Variants in PABPC1L observed in about 807,000 individuals in gnomAD.
PABPC1L encodes the protein poly(A) binding protein cytoplasmic 1 like, also known as polyadenylate-binding protein 1-like.
PABPC1L carries 31 observed loss-of-function variants against 66.6 expected under a neutral mutation model. That is an observed-to-expected ratio of 0.47 (90% confidence interval 0.35 to 0.63). The LOEUF is 0.63. Among genes scored for constraint, PABPC1L ranks in the 20% least tolerant of loss-of-function variants. The pLI is 0.00. For synonymous variants in PABPC1L, 348 were observed against 335.1 expected, an observed-to-expected ratio of 1.04 and a Z score of -0.42; for missense variants, 722 against 848.8, an observed-to-expected ratio of 0.85 and a Z score of 1.86.
chr20:44,933,138 A>G lies in PABPC1L; in HGVS notation c.1412A>G (p.Gln471Arg), dbSNP rs2066874871. 6.2e-7 allele frequency: 1 copy of G among 1,610,206 alleles called. No individual in the cohort carries two copies. Among genetic ancestry groups the G allele is most frequent in the Admixed American group, 1.7e-5 (1 of 59,326 alleles). Residue 471 changes from glutamine to arginine, a missense_variant, in exon 10 of 15, where the codon CAG becomes CGG. By Grantham distance (43) the Gln-to-Arg change is conservative. This residue lies in a region of PABPC1L where 301 missense variants were observed against 337.2 expected (regional missense o/e 0.89). Transcript: ENST00000217073. ...RPPAHISSVR[Q>R]ASTQVPRTVP... ...CCGGCCCACATCAGCAGTGTCAGGC[A>G]GGCCTCCACCCAGGTGCCACGCACG...
At chr20:44,922,479 G>T (rs927471971) in intron 6 of PABPC1L, among the ~76,000 whole-genome samples, 5 of 152,036 alleles carry the variant, frequency 3.3e-5, no homozygotes, top group African/African-American at 1.2e-4. Flanking sequence ...CTTGTGATCT[G>T]CCCGCCTCAG....
At chr20:44,910,690 T>C (rs532958308) in intron 1 of PABPC1L, among the ~76,000 whole-genome samples, 59 of 152,100 alleles carry the variant, frequency 3.9e-4, no homozygotes, top group African/African-American at 1.4e-3. Flanking sequence ...GTCTGGAAAA[T>C]GGGGGTCCTA....
intron 9 of PABPC1L, chr20:44,932,762 A>G (rs1319869819): frequency 2.0e-6 from 1 of 497,194 alleles, no homozygotes; most frequent in Non-Finnish European, 3.6e-6. Flanking sequence ...CCTCTGTAAG[A>G]GTGAATTGCA....
At chr20:44,915,799 CAAAA>C (rs3091602) in intron 2 of PABPC1L, among the ~76,000 whole-genome samples, 22 of 115,448 alleles carry the variant, frequency 1.9e-4, no homozygotes, top group East Asian at 5.0e-4. Context: ...AACTCTATCT[CAAAA>C]AAAAAAAAAA....
At chr20:44,937,889 C>T (rs2066913608) in intron 12 of PABPC1L, 172 bp from the exon 13 acceptor site, 2 of 865,948 alleles carry the variant, frequency 2.3e-6, no homozygotes, top group South Asian at 2.0e-5. Flanking sequence ...ATACCAGGCC[C>T]AGTCATTAAA....
intron 12 of PABPC1L, chr20:44,937,850 G>C: frequency 1.6e-6 from 1 of 623,178 alleles, no homozygotes; most frequent in South Asian, 2.4e-5. Flanking sequence ...CTGGGCCCTG[G>C]ACACATTGCT....
rs144338158 is a variant in PABPC1L at position 44,930,997 on chromosome 20, T to TTTCCTTCC, written c.1239+273_1239+280dup. On this transcript the variant is annotated intron_variant, in intron 8 of 14. Coordinates refer to ENST00000217073, the MANE Select transcript of PABPC1L (RefSeq NM_001372179.1). ...TGCTGCGTTAAGCAAGACCTACATT[T>TTTCCTTCC]TTCCTTCCTCCCTTCCTTCCCTTCC... Among the ~76,000 whole-genome samples the TTTCCTTCC allele has an allele frequency of 3.7e-4, 35 of 93,968 alleles. 1 individual carries two copies. Among genetic ancestry groups the TTTCCTTCC allele is most frequent in the Admixed American group, 5.0e-4 (4 of 7,990 alleles). 61.6% of individuals were successfully genotyped at this position (93,968 alleles called of 152,430 possible).
At chr20:44,913,354 G>A (rs2066717403) in intron 2 of PABPC1L, among the ~76,000 whole-genome samples, 1 of 152,008 alleles carries the variant, frequency 6.6e-6, no homozygotes. Context: ...AGACAAGAGT[G>A]GAAGCACACC....
In PABPC1L at chr20:44,924,207, A is replaced by T; in HGVS notation, c.923A>T (p.Asp308Val). ...VKNLDDSIDD[D>V]KLRKEFSPYG... ...AATCTGGACGACTCCATTGATGACG[A>T]CAAACTGAGGAAAGAGTTCTCTCCC... The change falls in exon 7 of 15, where the codon GAC becomes GTC. Residue 308 changes from aspartate to valine, a missense_variant. Physicochemically the swap from Asp to Val is radical, Grantham distance 152 (BLOSUM62 -3). Transcript: ENST00000217073. The T allele has an allele frequency of 6.2e-7, 1 of 1,614,098 alleles. No homozygotes were observed. The highest frequency in any genetic ancestry group is 8.5e-7 in the Non-Finnish European group (1 of 1,179,976).
intron 12 of PABPC1L, 180 bp from the exon 13 acceptor site, chr20:44,937,881 A>G (rs897074247): frequency 3.6e-6 from 3 of 823,530 alleles, no homozygotes; most frequent in African/African-American, 3.5e-5. Flanking sequence ...GACCACCAAT[A>G]CCAGGCCCAG....
intron 3 of PABPC1L, among the ~76,000 whole-genome samples, chr20:44,918,654 A>G (rs1342814664): frequency 2.0e-5 from 3 of 152,320 alleles, no homozygotes; most frequent in East Asian, 1.9e-4. Flanking sequence ...AATAGTAATT[A>G]TGTGTGCATT....
intron 3 of PABPC1L, among the ~76,000 whole-genome samples, chr20:44,917,640 TAGAG>T (rs1555798477): frequency 6.6e-6 from 1 of 152,160 alleles, no homozygotes; most frequent in Non-Finnish European, 1.5e-5. Context: ...AGGCAGATAA[TAGAG>T]AGAATCTGCC....
At chr20:44,918,022 G>T (rs943755325) in intron 3 of PABPC1L, among the ~76,000 whole-genome samples, 7 of 152,104 alleles carry the variant, frequency 4.6e-5, no homozygotes, top group Admixed American at 3.9e-4. Context: ...ACTTGGAAAT[G>T]AACTTTTAAA....
Position 44,910,102 on chromosome 20 carries a change from C to T in PABPC1L, c.-42C>T, listed in dbSNP as rs988502033. ...GGGTGAGCGCGGGGCTGCTGGGTGACCCGGCTCCTGCTTGCCCCGCAGCCC... is the reference window on the plus strand; with the variant it reads ...GGGTGAGCGCGGGGCTGCTGGGTGATCCGGCTCCTGCTTGCCCCGCAGCCC... On this transcript the variant is annotated 5_prime_UTR_variant, in exon 1 of 15. Transcript: ENST00000217073. The T allele has an allele frequency of 6.6e-6, 10 of 1,504,244 alleles. No homozygotes were observed. The highest frequency in any genetic ancestry group is 9.0e-6 in the Non-Finnish European group (10 of 1,116,498). The allele number at this position is 1,504,244 out of a possible 1,614,324, so 93.2% of individuals were successfully genotyped here. A position where few individuals can be genotyped will look rare whatever the true frequency, so the allele number is the denominator to read the frequency against.
intron 3 of PABPC1L, among the ~76,000 whole-genome samples, chr20:44,917,345 C>T (rs1001500048): frequency 6.8e-6 from 1 of 147,626 alleles, no homozygotes; most frequent in African/African-American, 2.5e-5. Flanking sequence ...TGCCACCATA[C>T]CTGGCTAATT....
intron 1 of PABPC1L, among the ~76,000 whole-genome samples, chr20:44,911,308 A>G (rs2066703236): frequency 6.6e-6 from 1 of 152,072 alleles, no homozygotes; most frequent in Non-Finnish European, 1.5e-5. Context: ...TACTAAAAAT[A>G]CAAAAAATAG....
intron 11 of PABPC1L, 122 bp from the exon 12 acceptor site, chr20:44,936,515 G>C: frequency 1.3e-6 from 1 of 747,928 alleles, no homozygotes; most frequent in Non-Finnish European, 2.2e-6. Context: ...TGATCATCCA[G>C]ACCTTGCCCT....
At position 44,910,457 on chromosome 20, in the gene PABPC1L, T is replaced by G. The variant is rs919718599; in HGVS notation, c.193+121T>G. 5 of 1,187,170 alleles carry G rather than the reference T, an allele frequency of 4.2e-6. No homozygotes were observed. In the African/African-American group the frequency reaches 6.4e-5, roughly 15 times the overall value. The allele number at this position is 1,187,170 out of a possible 1,614,324, so 73.5% of individuals were successfully genotyped here. On this transcript the variant is annotated intron_variant, in intron 1 of 14. Coordinates refer to ENST00000217073, the MANE Select transcript of PABPC1L (RefSeq NM_001372179.1). ...ACTTTGCAGCCGGGGAAACTGAGGC[T>G]CAAAGATAACAGGGCGTTGGCAGAG...
chr20:44,921,163 T>C (rs1160711506), intron 5 of PABPC1L, among the ~76,000 whole-genome samples: 5 of 151,112 alleles, frequency 3.3e-5, no homozygotes, highest in Non-Finnish European at 7.4e-5. Context: ...TTTTTTTTTT[T>C]TTTGAGATGG....
Sources: gnomAD v4.1 joint callset for allele counts (sites outside exome capture counted in the v4.1 genomes callset) on GRCh38, gnomAD v4.1.1 for gene constraint, gnomAD v4.1.1 regional missense constraint, MANE v1.5 for transcripts, NCBI Gene and HGNC (gene_info 2026-07-23, HGNC 2026-07-21) for gene names.